SELP: variants seen among roughly 807,000 people sequenced by gnomAD.
SELP encodes the protein P-selectin.
A neutral mutation model predicts 104.1 loss-of-function variants in SELP; 92 were observed. The ratio of observed to expected loss-of-function variants is 0.88; its 90% CI spans 0.75 to 1.05. The LOEUF (loss-of-function observed/expected upper bound fraction) is 1.05. Ranked by LOEUF, SELP falls within the 50% of genes least tolerant of loss-of-function variation. The pLI is 0.00. For missense variants in SELP, 1,022 were observed against 1,017.3 expected, an observed-to-expected ratio of 1.00 and a Z score of -0.06; for synonymous variants, 397 against 364.5, an observed-to-expected ratio of 1.09 and a Z score of -1.01.
chr1:169,597,092 G>A lies in SELP; in HGVS notation c.1790C>T (p.Thr597Ile), dbSNP rs753502202. 8 of 1,613,342 alleles carry A rather than the reference G, an allele frequency of 5.0e-6. No individual in the cohort carries two copies. The South Asian group carries it at 7.7e-5, about 16-fold the overall frequency. ...GCCGTTGTCACAAGAGAAATGGCAG[G>A]TGGAGCCAACATTGAATTCTCCACG... is the stretch of plus-strand genomic sequence containing the variant. ...DTRGEFNVGS[T>I]CHFSCDNGFK... The change falls in exon 11 of 17, where the codon ACC becomes ATC. Residue 597 changes from threonine (T) to isoleucine (I), a missense_variant. Thr to Ile is a moderately conservative substitution (Grantham distance 89). Coordinates refer to ENST00000263686, the MANE Select transcript of SELP (RefSeq NM_003005.4).
At chr1:169,607,199 AT>A in intron 8 of SELP, 65 bp from the exon 9 acceptor site, 1 of 1,336,128 alleles carries the variant, frequency 7.5e-7, no homozygotes, top group Non-Finnish European at 9.9e-7. Context: ...ATTTTTGACC[AT>A]TAACTCTTTC....
Position 169,619,217 on chromosome 1 carries a change from G to A in SELP, c.6C>T (p.Ala2=). The A allele has an allele frequency of 6.2e-7, 1 of 1,613,424 alleles. No homozygotes were observed. Among genetic ancestry groups the A allele is most frequent in the Non-Finnish European group, 8.5e-7 (1 of 1,179,482 alleles). M[A]NCQIAILYQR... ...GGTACAAGATGGCTATTTGGCAGTTGGCCTGAAACAAGAAGAGAAAACTTT... is the reference window on the plus strand; with the variant it reads ...GGTACAAGATGGCTATTTGGCAGTTAGCCTGAAACAAGAAGAGAAAACTTT... The change falls in exon 2 of 17, where the codon GCC becomes GCT. Residue 2 remains alanine (A), a splice_region_variant and synonymous_variant. Transcript: ENST00000263686.
rs200647043 is a variant in SELP at position 169,609,561 on chromosome 1, C to G, written c.1276G>C (p.Asp426His). The change falls in exon 8 of 17, where the codon GAT (aspartate) becomes CAT (histidine). Residue 426 changes from aspartate (D) to histidine (H), a missense_variant. By Grantham distance (81) the Asp-to-His change is moderately conservative. Transcript: ENST00000263686. The stretch of plus-strand genomic sequence containing the variant: ...CCCAAGTTATCACACCGAACTATAT[C>G]GGCTCCTCTCAGCATGAAACCTTCA... ...CAEGFMLRGA[D>H]IVRCDNLGQW... 32 of 1,614,044 alleles carry G rather than the reference C, an allele frequency of 2.0e-5. No homozygotes were observed. The highest frequency in any genetic ancestry group is 2.7e-5 in the Non-Finnish European group (32 of 1,179,980).
At position 169,596,148 on chromosome 1, in the gene SELP, A is replaced by G; in HGVS notation, c.1892-14T>C. 6.2e-7 allele frequency: 1 copy of G among 1,612,198 alleles called. No individual in the cohort carries two copies. Among genetic ancestry groups the G allele is most frequent in the Non-Finnish European group, 8.5e-7 (1 of 1,178,646 alleles). The stretch of plus-strand genomic sequence containing the variant: ...GTGATGCTATGCCTGTTGTGAGAAA[A>G]TGTTTCCATTCAGAGACCTCCCAAT... On this transcript the variant is annotated splice_polypyrimidine_tract_variant and intron_variant, in intron 11 of 16. Coordinates refer to ENST00000263686, the MANE Select transcript of SELP (RefSeq NM_003005.4).
chr1:169,609,034 T>C (rs1003020295), intron 8 of SELP, among the ~76,000 whole-genome samples: 1 of 152,132 alleles, frequency 6.6e-6, no homozygotes, highest in Non-Finnish European at 1.5e-5. Context: ...ATAAGAGTTT[T>C]AAAGTTGCGT....
At chr1:169,590,617 C>G (rs1378842123) in intron 15 of SELP, among the ~76,000 whole-genome samples, 1 of 152,084 alleles carries the variant, frequency 6.6e-6, no homozygotes, top group African/African-American at 2.4e-5. Flanking sequence ...GGGTATGGGG[C>G]AAGGGTGCTG....
rs567143014 is a variant in SELP, at chr1:169,591,344, A to G, written c.2438+82T>C. The G allele has an allele frequency of 2.5e-5, 22 of 885,740 alleles. No homozygotes were observed. In the South Asian group the frequency reaches 3.4e-4, roughly 14 times the overall value. The allele number at this position is 885,740 out of a possible 1,614,324, so 54.9% of individuals were successfully genotyped here. A position where few individuals can be genotyped will look rare whatever the true frequency, so the allele number is the denominator to read the frequency against. On this transcript the variant is annotated intron_variant, in intron 15 of 16. Coordinates refer to ENST00000263686, the MANE Select transcript of SELP (RefSeq NM_003005.4). ...ATTGTAAAAAGGAGGCAGGCATTGC[A>G]TGTAATCATTCTGACATATTACAGT...
At position 169,612,328 on chromosome 1, in the gene SELP, G is replaced by C; in HGVS notation, c.850C>G (p.His284Asp). The change falls in exon 6 of 17, where the codon CAT becomes GAT. Residue 284 changes from histidine to aspartate, a missense_variant. Coordinates refer to ENST00000263686, the MANE Select transcript of SELP (RefSeq NM_003005.4). ...TCLHSAKAFQ[H>D]QSSCSFSCEE... ...CAACTGAAGCTGCAGCTAGACTGAT[G>C]CTGGAATGCTTTTGCAGAATGAAGG... The C allele has an allele frequency of 1.2e-6, 2 of 1,614,124 alleles. No individual in the cohort carries two copies. Among genetic ancestry groups the C allele is most frequent in the Non-Finnish European group, 1.7e-6 (2 of 1,180,016 alleles).
At position 169,597,044 on chromosome 1, in the gene SELP, T is replaced by A; in HGVS notation, c.1838A>T (p.Asn613Ile). Residue 613 changes from asparagine (N) to isoleucine (I), a missense_variant, in exon 11 of 17, where the codon AAT becomes ATT. By Grantham distance (149) the Asn-to-Ile change is moderately radical. Coordinates refer to ENST00000263686, the MANE Select transcript of SELP (RefSeq NM_003005.4). ...DNGFKLEGPN[N>I]VECTTSGRWS... ...TCTTCCAGAAGTTGTGCATTCCACA[T>A]TATTGGGCCCCTCCAGCTTAAAGCC... 1 of 1,613,416 alleles carries A rather than the reference T, an allele frequency of 6.2e-7. No homozygotes were observed. Among genetic ancestry groups the A allele is most frequent in the Non-Finnish European group, 8.5e-7 (1 of 1,179,618 alleles).
chr1:169,596,163 G>A, intron 11 of SELP, 29 bp from the exon 12 acceptor site: 1 of 1,595,552 alleles, frequency 6.3e-7, no homozygotes, highest in Non-Finnish European at 8.6e-7. Flanking sequence ...TCCATTCAGA[G>A]ACCTCCCAAT....
intron 7 of SELP, among the ~76,000 whole-genome samples, chr1:169,610,972 C>T (rs1043604957): frequency 1.3e-5 from 2 of 152,152 alleles, no homozygotes; most frequent in African/African-American, 4.8e-5. Context: ...ACTAATCTAT[C>T]GTAAATTTCC....
intron 10 of SELP, 120 bp downstream of exon 10, chr1:169,602,906 C>T: frequency 5.9e-6 from 4 of 672,788 alleles, no homozygotes; most frequent in Admixed American, 6.4e-5. Flanking sequence ...TCTAGATTAC[C>T]ATTGTTGTGG....
intron 10 of SELP, 142 bp downstream of exon 10, chr1:169,602,884 A>G: frequency 1.8e-6 from 1 of 552,692 alleles, no homozygotes; most frequent in African/African-American, 1.9e-5. Context: ...AAAGAGAGGG[A>G]GAACTTTTTT....
intron 3 of SELP, among the ~76,000 whole-genome samples, chr1:169,614,403 G>A (rs1662709567): frequency 6.6e-6 from 1 of 152,200 alleles, no homozygotes; most frequent in South Asian, 2.1e-4. Context: ...CACCAAGATA[G>A]TGCCACTCAG....
intron 1 of SELP, among the ~76,000 whole-genome samples, chr1:169,620,993 A>G (rs113320042): frequency 0.034 from 3,897 of 115,846 alleles, 242 homozygotes; most frequent in African/African-American, 0.13. Context: ...TGCCACAGTG[A>G]TGGATAATGT....
chr1:169,613,241 A>G (rs796916207), intron 4 of SELP, 127 bp from the exon 5 acceptor site: 3 of 857,790 alleles, frequency 3.5e-6, no homozygotes, highest in South Asian at 2.1e-5. Flanking sequence ...AACCCAAGCT[A>G]TCCATCTCTA....
At chr1:169,617,495 TCAGA>T in intron 2 of SELP, 81 bp from the exon 3 acceptor site, 8 of 1,408,106 alleles carry the variant, frequency 5.7e-6, no homozygotes, top group Non-Finnish European at 7.8e-6. Context: ...TTCTGCATAC[TCAGA>T]TGAATTTCCG....
chr1:169,611,743 A>G, intron 6 of SELP, 66 bp from the exon 7 acceptor site: 4 of 1,485,134 alleles, frequency 2.7e-6, no homozygotes, highest in Non-Finnish European at 3.7e-6. Context: ...ACAGAGAGCA[A>G]TGGTGGAACC....
intron 14 of SELP, 137 bp downstream of exon 14, chr1:169,593,468 T>A: frequency 4.5e-6 from 3 of 660,090 alleles, no homozygotes; most frequent in Non-Finnish European, 7.5e-6. Flanking sequence ...ATCTTGGCTT[T>A]ATTTTCTTTT....
Sources: allele counts gnomAD v4.1 joint callset (sites outside exome capture counted in the v4.1 genomes callset), GRCh38; gene constraint gnomAD v4.1.1; transcripts MANE v1.5; gene names NCBI Gene and HGNC (gene_info 2026-07-23, HGNC 2026-07-21).